The following SMG7 variants were observed in gnomAD, a reference collection of about 807,000 sequenced individuals.
SMG7 encodes the protein nonsense-mediated mRNA decay factor SMG7.
SMG7 carries 34 observed loss-of-function variants against 148.2 expected under a neutral mutation model. That is an observed-to-expected ratio of 0.23 (90% CI 0.17 to 0.31). The LOEUF (loss-of-function observed/expected upper bound fraction) is 0.31, where lower values mean the gene tolerates loss of function less well. Among genes scored for constraint, SMG7 ranks in the 10% least tolerant of loss-of-function variants. The pLI is 1.00. For missense variants in SMG7, 1,114 were observed against 1,408.4 expected, an observed-to-expected ratio of 0.79 and a Z score of 3.35; for synonymous variants, 492 against 515.1, an observed-to-expected ratio of 0.96 and a Z score of 0.61.
intron 8 of SMG7, among the ~76,000 whole-genome samples, chr1:183,532,937 A>G (rs1185027976): frequency 6.6e-6 from 1 of 152,240 alleles, no homozygotes; most frequent in African/African-American, 2.4e-5. Context: ...TTGATAAACA[A>G]TTCAAACAAC....
chr1:183,545,496 A>G (rs1200525849), intron 16 of SMG7, among the ~76,000 whole-genome samples, 184 bp downstream of exon 16: 2 of 152,208 alleles, frequency 1.3e-5, no homozygotes, highest in African/African-American at 2.4e-5. Flanking sequence ...ACTCTTGTAA[A>G]GGATAAAATA....
rs1553251974 is a variant in SMG7, at chr1:183,542,950, T to TGTGTGTGTGTGTGTGTGTGTGTGC, written c.1842+468_1842+469insGTGCGTGTGTGTGTGTGTGTGTGT. 6.0e-5 allele frequency among the ~76,000 whole-genome samples: 9 copies of TGTGTGTGTGTGTGTGTGTGTGTGC among 149,170 alleles called. No individual in the cohort carries two copies. In the South Asian group the frequency reaches 6.4e-4, roughly 11 times the overall value. ...ATATGTGTGTGTGTGTGTGTGTGTG[T>TGTGTGTGTGTGTGTGTGTGTGTGC]GTGTGTGTGTGTGTGTGTGTATTTT... is the stretch of plus-strand genomic sequence containing the variant. On this transcript the variant is annotated intron_variant, in intron 14 of 22. Transcript: ENST00000688051.
Position 183,547,098 on chromosome 1 carries a change from A to G in SMG7, c.2743-5A>G. ...GCTTCTCACTGTGATGCTTTCTGTC[A>G]CTAGGACCCCAAGAGCTCCCCTCTG... On this transcript the variant is annotated splice_region_variant and splice_polypyrimidine_tract_variant and intron_variant, in intron 17 of 22. Transcript: ENST00000688051. 6.5e-7 allele frequency: 1 copy of G among 1,548,080 alleles called. No individual in the cohort carries two copies.
intron 4 of SMG7, among the ~76,000 whole-genome samples, chr1:183,521,392 A>T (rs775017513): frequency 2.6e-5 from 4 of 152,072 alleles, no homozygotes; most frequent in Non-Finnish European, 4.4e-5. Context: ...GAGCCACTGC[A>T]CCTGGCCTCA....
intron 8 of SMG7, among the ~76,000 whole-genome samples, chr1:183,531,248 A>T (rs1666800101): frequency 6.6e-6 from 1 of 152,152 alleles, no homozygotes; most frequent in African/African-American, 2.4e-5. Flanking sequence ...ACTAAGCAGA[A>T]ATGTTTACCA....
At chr1:183,545,844 C>T (rs1442506547) in intron 16 of SMG7, 122 bp from the exon 17 acceptor site, 1 of 1,147,832 alleles carries the variant, frequency 8.7e-7, no homozygotes, top group Non-Finnish European at 1.2e-6. Context: ...AAGGAAACTG[C>T]TGCCTTGCCT....
At chr1:183,507,969 TATTTTGTTATTGAA>T (rs890986800) in intron 1 of SMG7, 1 of 155,614 alleles carries the variant, frequency 6.4e-6, no homozygotes, top group African/African-American at 2.4e-5. Context: ...TTAATAGTGT[TATTTTGTTATTGAA>T]ATCATGGTGA....
intron 1 of SMG7, among the ~76,000 whole-genome samples, chr1:183,504,374 C>G (rs1660428647): frequency 6.6e-6 from 1 of 152,028 alleles, no homozygotes; most frequent in African/African-American, 2.4e-5. Context: ...GAGTCTCGCT[C>G]TTGTTGTCCA....
intron 2 of SMG7, among the ~76,000 whole-genome samples, chr1:183,513,749 G>T (rs1662739438): frequency 6.6e-6 from 1 of 152,042 alleles, no homozygotes; most frequent in South Asian, 2.1e-4. Context: ...AGTAAATGAG[G>T]CATGGTGCGG....
intron 1 of SMG7, among the ~76,000 whole-genome samples, chr1:183,482,041 A>G (rs1654258342): frequency 6.6e-6 from 1 of 152,190 alleles, no homozygotes; most frequent in Admixed American, 6.6e-5. Context: ...TAGCAGGCAA[A>G]GAACAAAATG....
chr1:183,528,888 G>A lies in SMG7; in HGVS notation c.557-4G>A. 1 of 1,608,624 alleles carries A rather than the reference G, an allele frequency of 6.2e-7. No individual in the cohort carries two copies. The highest frequency in any genetic ancestry group is 1.1e-5 in the South Asian group (1 of 90,554). On this transcript the variant is annotated splice_polypyrimidine_tract_variant and splice_region_variant and intron_variant, in intron 6 of 22. Transcript: ENST00000688051. ...TACTCCAGAATCTTAACTTTCTCCT[G>A]TAGGTCAGCCTTATAATCAGTTGGC... is the stretch of plus-strand genomic sequence containing the variant.
chr1:183,485,698 A>G (rs752630072), intron 1 of SMG7, among the ~76,000 whole-genome samples: 3 of 152,196 alleles, frequency 2.0e-5, no homozygotes, highest in Non-Finnish European at 2.9e-5. Flanking sequence ...ACTGCAGAAG[A>G]TTTGGATTCC....
intron 4 of SMG7, among the ~76,000 whole-genome samples, chr1:183,520,048 T>G (rs1207415069): frequency 1.3e-5 from 2 of 152,028 alleles, no homozygotes; most frequent in African/African-American, 4.8e-5. Flanking sequence ...TGCAATACCT[T>G]TTCCTTTGTC....
In SMG7 at chr1:183,533,800, C is replaced by G; in HGVS notation, c.1131C>G (p.Val377=). 1 of 1,612,606 alleles carries G rather than the reference C, an allele frequency of 6.2e-7. No homozygotes were observed. The highest frequency in any genetic ancestry group is 8.5e-7 in the Non-Finnish European group (1 of 1,179,028). The change falls in exon 10 of 23, where the codon GTC becomes GTG. Residue 377 remains valine, a synonymous_variant. Coordinates refer to ENST00000688051, the MANE Select transcript of SMG7 (RefSeq NM_001375584.1). The part of the protein sequence containing the change: ...SMDWLRLRPR[V]FQEAVVDERQ... ...ACTGGCTAAGACTCAGACCCAGGGT[C>G]TTTCAGGAGGCAGTGGTGGATGAAA... is the stretch of plus-strand genomic sequence containing the variant.
At position 183,517,801 on chromosome 1, in the gene SMG7, C is replaced by G. The variant is rs764174736; in HGVS notation, c.293C>G (p.Ala98Gly). ...AACCTTTCTCTGTTCCTAGAGGCAG[C>G]TAGTGGCTTCTATACTCAGGTGAGT... is the stretch of plus-strand genomic sequence containing the variant. ...QANLSLFLEA[A>G]SGFYTQLLQE... The change falls in exon 4 of 23, where the codon GCT (alanine) becomes GGT (glycine). Residue 98 changes from alanine (A) to glycine (G), a missense_variant. Physicochemically the swap from Ala to Gly is moderately conservative, Grantham distance 60. Transcript: ENST00000688051. The G allele has an allele frequency of 6.2e-7, 1 of 1,614,090 alleles. No homozygotes were observed. Among genetic ancestry groups the G allele is most frequent in the Non-Finnish European group, 8.5e-7 (1 of 1,179,948 alleles).
At chr1:183,544,798 T>C in intron 15 of SMG7, 132 bp from the exon 16 acceptor site, 2 of 974,944 alleles carry the variant, frequency 2.1e-6, no homozygotes, top group Non-Finnish European at 3.1e-6. Context: ...AAGTTAAAGA[T>C]TGACAACATG....
intron 1 of SMG7, among the ~76,000 whole-genome samples, chr1:183,476,256 T>C (rs1652162928): frequency 6.6e-6 from 1 of 152,158 alleles, no homozygotes; most frequent in African/African-American, 2.4e-5. Flanking sequence ...TTGGGGGGTG[T>C]AGCAATTGTT....
chr1:183,474,029 C>A, intron 1 of SMG7: 1 of 247,686 alleles, frequency 4.0e-6, no homozygotes, highest in Non-Finnish European at 6.4e-6. Flanking sequence ...TTTAACACAA[C>A]ATATATGCCC....
At chr1:183,513,882 T>C (rs913621408) in intron 2 of SMG7, among the ~76,000 whole-genome samples, 2 of 150,876 alleles carry the variant, frequency 1.3e-5, no homozygotes, top group African/African-American at 4.8e-5. Flanking sequence ...ATACAAAAAT[T>C]AGCTGGGCGT....
Sources: allele counts gnomAD v4.1 joint callset (sites outside exome capture counted in the v4.1 genomes callset), GRCh38; gene constraint gnomAD v4.1.1; transcripts MANE v1.5; gene names NCBI Gene and HGNC (gene_info 2026-07-23, HGNC 2026-07-21).